FHIT: variants seen among roughly 807,000 people sequenced by gnomAD.
FHIT encodes the protein bis(5'-adenosyl)-triphosphatase.
In FHIT, 19 loss-of-function variants were observed where a neutral mutation model predicts 17.9. That is an observed-to-expected ratio of 1.06 (90% CI 0.74 to 1.56). The LOEUF is 1.56. Ranked by LOEUF, FHIT falls within the 40% of genes most tolerant of loss-of-function variation. The probability of loss-of-function intolerance (pLI) is 0.00; values close to 1 mark genes in which losing one functional copy is unlikely to be tolerated. For synonymous variants in FHIT, 81 were observed against 69.7 expected, an observed-to-expected ratio of 1.16 and a Z score of -0.81; for missense variants, 248 against 189.2, an observed-to-expected ratio of 1.31 and a Z score of -1.82.
chr3:60,453,648 A>G (rs553289340), intron 5 of FHIT, among the ~76,000 whole-genome samples: 33 of 152,304 alleles, frequency 2.2e-4, no homozygotes, highest in African/African-American at 7.7e-4. Context: ...TTTCAGCTCT[A>G]AGTTAATCTC....
chr3:60,910,427 TC>T (rs1264341999), intron 3 of FHIT, among the ~76,000 whole-genome samples: 2 of 148,996 alleles, frequency 1.3e-5, no homozygotes, highest in Admixed American at 1.3e-4. Context: ...TTTTTTTTTT[TC>T]CCAGACGGAG....
intron 5 of FHIT, among the ~76,000 whole-genome samples, chr3:60,366,344 C>G (rs1440861993): frequency 6.6e-6 from 1 of 152,130 alleles, no homozygotes; most frequent in Non-Finnish European, 1.5e-5. Context: ...AGGCTGCTCT[C>G]AAACTCCTGA....
At chr3:60,160,509 A>T (rs1576225886) in intron 5 of FHIT, among the ~76,000 whole-genome samples, 1 of 152,052 alleles carries the variant, frequency 6.6e-6, no homozygotes, top group Non-Finnish European at 1.5e-5. Context: ...GAACCTCAAA[A>T]CCTATCTTCT....
At chr3:60,716,617 T>A (rs1553706888) in intron 4 of FHIT, among the ~76,000 whole-genome samples, 2 of 152,196 alleles carry the variant, frequency 1.3e-5, no homozygotes, top group Non-Finnish European at 2.9e-5. Context: ...TATAGTTAAC[T>A]GTTCTTTAAT....
intron 3 of FHIT, among the ~76,000 whole-genome samples, chr3:60,829,320 A>G (rs1702235887): frequency 6.6e-6 from 1 of 152,234 alleles, no homozygotes; most frequent in South Asian, 2.1e-4. Context: ...CCTGCATGGA[A>G]AAACTGGAAT....
At chr3:60,145,471 T>C (rs1179726484) in intron 5 of FHIT, among the ~76,000 whole-genome samples, 8 of 152,182 alleles carry the variant, frequency 5.3e-5, no homozygotes, top group Non-Finnish European at 1.0e-4. Flanking sequence ...CCAATGCATT[T>C]TGCCTCCAAT....
rs1381486228 is a variant in FHIT at position 60,009,868 on chromosome 3, A to G, written c.279+1503T>C. ...ATTCAGAGCCTGTTGCATAGCAAAT[A>G]TTTTCTATCCCGCTTTAGAATGGCT... On this transcript the variant is annotated intron_variant, in intron 7 of 9. Coordinates refer to ENST00000492590, the MANE Select transcript of FHIT (RefSeq NM_002012.4). Among the ~76,000 whole-genome samples the G allele has an allele frequency of 2.0e-5, 3 of 152,256 alleles. No homozygotes were observed. The South Asian group carries it at 6.2e-4, about 32-fold the overall frequency.
At chr3:60,831,896 T>G (rs1295852823) in intron 3 of FHIT, among the ~76,000 whole-genome samples, 1 of 152,106 alleles carries the variant, frequency 6.6e-6, no homozygotes, top group African/African-American at 2.4e-5. Context: ...AATAGGGCGC[T>G]AAGATTTATG....
intron 5 of FHIT, among the ~76,000 whole-genome samples, chr3:60,451,959 C>G (rs114295937): frequency 0.041 from 6,189 of 152,224 alleles, 178 homozygotes; most frequent in Middle Eastern, 0.082. Context: ...CCCTTAATCT[C>G]AAATCCGAGC....
At chr3:60,794,378 A>G (rs1700900921) in intron 4 of FHIT, among the ~76,000 whole-genome samples, 1 of 109,956 alleles carries the variant, frequency 9.1e-6, no homozygotes. Flanking sequence ...GGAAAAATGG[A>G]TGGATGGATG....
chr3:59,834,578 C>T (rs1041953068), intron 8 of FHIT, among the ~76,000 whole-genome samples: 5 of 152,170 alleles, frequency 3.3e-5, no homozygotes, highest in Non-Finnish European at 7.4e-5. Flanking sequence ...AACCCTCTTC[C>T]AGGTTGTAGA....
At chr3:60,125,596 C>A (rs905753514) in intron 5 of FHIT, among the ~76,000 whole-genome samples, 2 of 146,002 alleles carry the variant, frequency 1.4e-5, no homozygotes, top group African/African-American at 5.1e-5. Flanking sequence ...CATGCCATTG[C>A]GACAGAACAA....
intron 4 of FHIT, among the ~76,000 whole-genome samples, chr3:60,682,037 T>C (rs1204908371): frequency 6.6e-6 from 1 of 151,628 alleles, no homozygotes; most frequent in African/African-American, 2.4e-5. Flanking sequence ...AATGGTGCGA[T>C]CTCAGCTCAC....
At position 60,540,189 on chromosome 3, in the gene FHIT, C is replaced by T. The variant is rs73834203; in HGVS notation, c.-17-3210G>A. Among the ~76,000 whole-genome samples, 247 of 152,208 alleles carry T rather than the reference C, an allele frequency of 1.6e-3. 3 individuals carry two copies. Among genetic ancestry groups the T allele is most frequent in the African/African-American group, 5.7e-3 (238 of 41,544 alleles). On this transcript the variant is annotated intron_variant, in intron 4 of 9. Coordinates refer to ENST00000492590, the MANE Select transcript of FHIT (RefSeq NM_002012.4). ...TGGATAGCTGAACACGCAGAAGTTCCTGAAGGATGGCTCGCCCTGGGAGAG... is the reference window on the plus strand; with the variant it reads ...TGGATAGCTGAACACGCAGAAGTTCTTGAAGGATGGCTCGCCCTGGGAGAG...
intron 3 of FHIT, among the ~76,000 whole-genome samples, chr3:60,929,531 A>G (rs190311561): frequency 2.0e-5 from 3 of 152,302 alleles, no homozygotes; most frequent in East Asian, 3.9e-4. Flanking sequence ...ATACAAAATC[A>G]ATGTGCAAAA....
chr3:60,290,438 C>T (rs1283705598), intron 5 of FHIT, among the ~76,000 whole-genome samples: 1 of 151,904 alleles, frequency 6.6e-6, no homozygotes. Context: ...TGAGACAAGG[C>T]AAGCTGACCT....
intron 5 of FHIT, among the ~76,000 whole-genome samples, chr3:60,409,828 C>A (rs960030389): frequency 6.6e-6 from 1 of 152,146 alleles, no homozygotes; most frequent in African/African-American, 2.4e-5. Flanking sequence ...GCTACACGAA[C>A]CTTCTTTAGA....
intron 5 of FHIT, among the ~76,000 whole-genome samples, chr3:60,223,429 G>A (rs538827399): frequency 2.0e-5 from 3 of 152,120 alleles, no homozygotes; most frequent in Admixed American, 6.6e-5. Flanking sequence ...ACACGTAAGC[G>A]ATCCATGCTT....
chr3:60,918,201 C>T (rs143624869), intron 3 of FHIT, among the ~76,000 whole-genome samples: 1 of 152,180 alleles, frequency 6.6e-6, no homozygotes, highest in Non-Finnish European at 1.5e-5. Context: ...TGAGGCTTCC[C>T]CAGCCAGGTG....
Sources: gnomAD v4.1 joint callset for allele counts (sites outside exome capture counted in the v4.1 genomes callset) on GRCh38, gnomAD v4.1.1 for gene constraint, MANE v1.5 for transcripts, NCBI Gene and HGNC (gene_info 2026-07-23, HGNC 2026-07-21) for gene names.